NAALADL2: variants seen among roughly 807,000 people sequenced by gnomAD.
NAALADL2 encodes the protein N-acetylated alpha-linked acidic dipeptidase like 2.
A neutral mutation model predicts 87.2 loss-of-function variants in NAALADL2; 76 were observed. That is an observed-to-expected ratio of 0.87 (90% CI 0.72 to 1.05). The LOEUF is 1.05. Among genes scored for constraint, NAALADL2 ranks in the 50% least tolerant of loss-of-function variants. The pLI, the probability that NAALADL2 is intolerant of heterozygous loss-of-function variation, is 0.00. For synonymous variants in NAALADL2, 354 were observed against 331.0 expected, an observed-to-expected ratio of 1.07 and a Z score of -0.75; for missense variants, 1,089 against 945.8, an observed-to-expected ratio of 1.15 and a Z score of -1.99.
Position 175,603,869 on chromosome 3 carries a change from C to T in NAALADL2, c.1801-23422C>T, listed in dbSNP as rs6773897. On this transcript the variant is annotated intron_variant, in intron 10 of 13. Coordinates refer to ENST00000454872, the MANE Select transcript of NAALADL2 (RefSeq NM_207015.3). Reference sequence around the variant, plus strand: ...ATTAGCCAGGCTTTGTGTCACACACCGTTGGTCCCAGCTACTCAGGAGGCT... The same window carrying T: ...ATTAGCCAGGCTTTGTGTCACACACTGTTGGTCCCAGCTACTCAGGAGGCT... Among the ~76,000 whole-genome samples, 913 of 152,132 alleles carry T rather than the reference C, an allele frequency of 6.0e-3. 6 individuals carry two copies. The highest frequency in any genetic ancestry group is 0.021 in the African/African-American group (860 of 41,502).
chr3:174,919,544 T>G (rs905618997), intron 1 of NAALADL2, among the ~76,000 whole-genome samples: 1 of 152,144 alleles, frequency 6.6e-6, no homozygotes, highest in East Asian at 1.9e-4. Context: ...AGTCCCCATT[T>G]CTAATTTTAG....
chr3:174,624,623 C>CAA (rs35352173), intron 2 of NAALADL2, among the ~76,000 whole-genome samples: 8 of 139,960 alleles, frequency 5.7e-5, no homozygotes, highest in African/African-American at 1.0e-4. Context: ...GACTCCATCT[C>CAA]AAAAAAAAAA....
At chr3:175,377,455 C>G (rs887834370) in intron 5 of NAALADL2, among the ~76,000 whole-genome samples, 8 of 152,130 alleles carry the variant, frequency 5.3e-5, no homozygotes, top group African/African-American at 1.7e-4. Context: ...CACATCTCTA[C>G]TATTTTTGCT....
chr3:175,493,631 C>A (rs570394921), intron 9 of NAALADL2, among the ~76,000 whole-genome samples: 3 of 152,188 alleles, frequency 2.0e-5, no homozygotes, highest in Non-Finnish European at 4.4e-5. Context: ...CAGCTCAAGG[C>A]AACTTAACTT....
rs138882013 is a variant in NAALADL2 at position 175,142,555 on chromosome 3, A to G, written c.545+45264A>G. On this transcript the variant is annotated intron_variant, in intron 2 of 13. Coordinates refer to ENST00000454872, the MANE Select transcript of NAALADL2 (RefSeq NM_207015.3). ...AAGAGCAGGACTCAGATTTAAACCCATGAATCTGCATCTACAGCCCATCCT... is the reference window on the plus strand; with the variant it reads ...AAGAGCAGGACTCAGATTTAAACCCGTGAATCTGCATCTACAGCCCATCCT... Among the ~76,000 whole-genome samples the G allele has an allele frequency of 7.7e-3, 1,169 of 152,114 alleles. 15 individuals carry two copies. The highest frequency in any genetic ancestry group is 0.027 in the African/African-American group (1,112 of 41,558).
intron 2 of NAALADL2, among the ~76,000 whole-genome samples, chr3:175,160,351 C>CT (rs1227666730): frequency 1.5e-5 from 1 of 67,780 alleles, no homozygotes; most frequent in African/African-American, 4.4e-5. Flanking sequence ...ATATGTGTAT[C>CT]TTTTCTTTCT....
At chr3:174,745,420 AT>A (rs1378319800) in intron 3 of NAALADL2, among the ~76,000 whole-genome samples, 2 of 152,164 alleles carry the variant, frequency 1.3e-5, no homozygotes, top group East Asian at 3.8e-4. Flanking sequence ...GAATAGACCA[AT>A]AAGTTCTGAA....
At chr3:175,462,009 A>G (rs756453371) in intron 6 of NAALADL2, among the ~76,000 whole-genome samples, 3 of 152,168 alleles carry the variant, frequency 2.0e-5, no homozygotes, top group Admixed American at 1.3e-4. Flanking sequence ...GCTATCCCGT[A>G]TGATACTATC....
chr3:174,784,653 G>A (rs1405749950), intron 3 of NAALADL2, among the ~76,000 whole-genome samples: 1 of 152,198 alleles, frequency 6.6e-6, no homozygotes, highest in East Asian at 1.9e-4. Context: ...AGGGTTCAAT[G>A]TATTGAAGGT....
intron 2 of NAALADL2, among the ~76,000 whole-genome samples, chr3:174,674,733 TA>T (rs1726888483): frequency 6.6e-6 from 1 of 152,072 alleles, no homozygotes; most frequent in South Asian, 2.1e-4. Context: ...CCTGCCTTTT[TA>T]CTTCTTTTCT....
chr3:174,945,828 G>A (rs572624817), intron 1 of NAALADL2, among the ~76,000 whole-genome samples: 88 of 151,968 alleles, frequency 5.8e-4, no homozygotes, highest in South Asian at 1.7e-3. Flanking sequence ...CGGGCAGATC[G>A]TGAAGTCAGG....
chr3:175,366,494 A>G (rs980617665), intron 5 of NAALADL2, among the ~76,000 whole-genome samples: 8 of 151,214 alleles, frequency 5.3e-5, no homozygotes, highest in African/African-American at 1.9e-4. Context: ...AAGTGTTCCT[A>G]TTTCTCCACA....
chr3:175,761,513 T>C (rs931163542), intron 13 of NAALADL2, among the ~76,000 whole-genome samples: 1 of 150,606 alleles, frequency 6.6e-6, no homozygotes, highest in Non-Finnish European at 1.5e-5. Flanking sequence ...TTTCAGCAGA[T>C]ACCAAAGTGT....
chr3:175,787,572 G>A (rs1464937971), intron 13 of NAALADL2, among the ~76,000 whole-genome samples: 1 of 152,038 alleles, frequency 6.6e-6, no homozygotes, highest in African/African-American at 2.4e-5. Context: ...GCTTCGGCTC[G>A]CGCACGGTGC....
At chr3:175,588,029 A>G (rs62284490) in intron 10 of NAALADL2, among the ~76,000 whole-genome samples, 20,245 of 151,836 alleles carry the variant, frequency 0.13, 1,488 homozygotes, top group Middle Eastern at 0.18. Context: ...CTTGATCAAA[A>G]GGGGAGTTGT....
chr3:175,598,655 A>G (rs769838072), intron 10 of NAALADL2, among the ~76,000 whole-genome samples: 1 of 152,114 alleles, frequency 6.6e-6, no homozygotes, highest in Non-Finnish European at 1.5e-5. Context: ...ATAGGTCTTC[A>G]AATGTTAAAG....
chr3:174,726,366 C>A (rs1258042153), intron 2 of NAALADL2, among the ~76,000 whole-genome samples: 1 of 152,140 alleles, frequency 6.6e-6, no homozygotes, highest in Non-Finnish European at 1.5e-5. Context: ...GAACTACCAG[C>A]GGTTATGTTA....
intron 2 of NAALADL2, among the ~76,000 whole-genome samples, chr3:174,705,458 C>T (rs1452870432): frequency 1.3e-5 from 2 of 152,134 alleles, no homozygotes; most frequent in African/African-American, 4.8e-5. Context: ...TATTCCAGGA[C>T]ACATTACCCA....
intron 1 of NAALADL2, among the ~76,000 whole-genome samples, chr3:174,862,112 A>G (rs1339843216): frequency 6.6e-6 from 1 of 152,112 alleles, no homozygotes; most frequent in Non-Finnish European, 1.5e-5. Flanking sequence ...TAAGGAGAGA[A>G]TGCTAGAATT....
Sources: gnomAD v4.1 joint callset for allele counts (sites outside exome capture counted in the v4.1 genomes callset) on GRCh38, gnomAD v4.1.1 for gene constraint, MANE v1.5 for transcripts, NCBI Gene and HGNC (gene_info 2026-07-23, HGNC 2026-07-21) for gene names.